EPS15L1: variants seen among roughly 807,000 people sequenced by gnomAD.
EPS15L1 encodes epidermal growth factor receptor pathway substrate 15 like 1.
Under a neutral mutation model 117.1 loss-of-function variants are expected in EPS15L1, and 43 were observed. That is an observed-to-expected ratio of 0.37 (90% CI 0.29 to 0.47). The LOEUF is 0.47. Ranked by LOEUF, EPS15L1 falls within the 20% of genes least tolerant of loss-of-function variation. The probability of loss-of-function intolerance (pLI) is 0.99; values close to 1 mark genes in which losing one functional copy is unlikely to be tolerated. For synonymous variants in EPS15L1, 459 were observed against 470.5 expected, an observed-to-expected ratio of 0.98 and a Z score of 0.32; for missense variants, 981 against 1,164.0, an observed-to-expected ratio of 0.84 and a Z score of 2.29.
At chr19:16,417,876 C>T in intron 11 of EPS15L1, 72 bp downstream of exon 11, 1 of 1,551,742 alleles carries the variant, frequency 6.4e-7, no homozygotes, top group Non-Finnish European at 8.7e-7. Flanking sequence ...TCATGTGTGC[C>T]ACCAGTGCCA....
intron 4 of EPS15L1, 115 bp downstream of exon 4, chr19:16,440,747 G>A (rs1471408929): frequency 1.4e-5 from 12 of 873,160 alleles, no homozygotes; most frequent in Admixed American, 4.1e-5. Flanking sequence ...TTTGACAGCC[G>A]TGCTCATGCC....
chr19:16,425,100 T>C lies in EPS15L1; in HGVS notation c.775A>G (p.Ser259Gly). Residue 259 changes from serine (S) to glycine (G), a missense_variant, in exon 9 of 24, where the codon AGC becomes GGC. Ser to Gly is a moderately conservative substitution (Grantham distance 56, BLOSUM62 0). Around this residue, in one of 5 missense-constraint regions of EPS15L1, gnomAD observed 819 missense variants for 949.0 expected, o/e 0.86. Coordinates refer to ENST00000455140, the MANE Select transcript of EPS15L1 (RefSeq NM_001258374.3). The stretch of plus-strand genomic sequence containing the variant: ...CTCCGTACCTGTGTTTGCTTGAGGC[T>C]GTGCTTGGGGGACAGGCTCCCTGTG... ...NSTGSLSPKHSLKQTQPTVNW... is the reference protein window; with the variant it reads ...NSTGSLSPKHGLKQTQPTVNW... The C allele has an allele frequency of 6.2e-7, 1 of 1,614,172 alleles. No individual in the cohort carries two copies. The highest frequency in any genetic ancestry group is 8.5e-7 in the Non-Finnish European group (1 of 1,179,992).
intron 22 of EPS15L1, among the ~76,000 whole-genome samples, chr19:16,362,487 C>T (rs1442252871): frequency 6.9e-6 from 1 of 145,434 alleles, no homozygotes; most frequent in Non-Finnish European, 1.5e-5. Context: ...CTGCACACAG[C>T]TCTGCCATGC....
At chr19:16,442,751 A>G (rs1426494238) in intron 1 of EPS15L1, among the ~76,000 whole-genome samples, 1 of 152,284 alleles carries the variant, frequency 6.6e-6, no homozygotes, top group East Asian at 1.9e-4. Context: ...GCGCCCGGAG[A>G]GCGCTGGCCA....
intron 7 of EPS15L1, among the ~76,000 whole-genome samples, chr19:16,430,151 G>A (rs2092913626): frequency 6.6e-6 from 1 of 152,192 alleles, no homozygotes; most frequent in Admixed American, 6.5e-5. Flanking sequence ...CCTCACCCTG[G>A]AGGATGTGAC....
chr19:16,401,403 G>A (rs529971100), intron 16 of EPS15L1: 3 of 985,436 alleles, frequency 3.0e-6, no homozygotes, highest in East Asian at 2.3e-4. Flanking sequence ...CAGGGAGGAA[G>A]AGGAATCCAT....
In EPS15L1 at chr19:16,422,154, C is replaced by T. The variant is rs145781187; in HGVS notation, c.793-678G>A. On this transcript the variant is annotated intron_variant, in intron 9 of 23. Transcript: ENST00000455140. ...GCCCAGTGCAGCTCAAAGTTCACAG[C>T]CCTGGGGCTGGGTCACCCGCTGCAC... Among the ~76,000 whole-genome samples, 1,029 of 152,370 alleles carry T rather than the reference C, an allele frequency of 6.8e-3. 4 individuals are homozygous for T. The highest frequency in any genetic ancestry group is 0.011 in the Non-Finnish European group (717 of 68,034).
intron 19 of EPS15L1, among the ~76,000 whole-genome samples, chr19:16,387,002 G>A (rs747728060): frequency 1.3e-5 from 2 of 152,184 alleles, no homozygotes; most frequent in Non-Finnish European, 2.9e-5. Flanking sequence ...ACCTCTCACC[G>A]GAAAAGACAA....
chr19:16,452,001 C>T lies in EPS15L1; in HGVS notation c.34-9782G>A, dbSNP rs1274754623. 1.6e-4 allele frequency among the ~76,000 whole-genome samples: 24 copies of T among 149,026 alleles called. 1 individual carries two copies. In the East Asian group the frequency reaches 3.9e-3, roughly 24 times the overall value. ...AAAATACAAAAAAATTAGCTGGGTG[C>T]GGTGGCGTGCACCTGTAATCCCAGT... On this transcript the variant is annotated intron_variant, in intron 1 of 23. Coordinates refer to ENST00000455140, the MANE Select transcript of EPS15L1 (RefSeq NM_001258374.3).
At chr19:16,440,526 G>A (rs868735957) in intron 4 of EPS15L1, 4 of 174,154 alleles carry the variant, frequency 2.3e-5, no homozygotes, top group South Asian at 3.8e-4. Context: ...GCTGGCAAAA[G>A]ATACACAGGA....
At chr19:16,470,278 T>A (rs2093337094) in intron 1 of EPS15L1, among the ~76,000 whole-genome samples, 2 of 151,978 alleles carry the variant, frequency 1.3e-5, no homozygotes, top group South Asian at 4.2e-4. Flanking sequence ...TCCCAGCTAC[T>A]CAGGAGGCTG....
At chr19:16,418,251 C>T (rs958508091) in intron 10 of EPS15L1, 147 bp from the exon 11 acceptor site, 1 of 855,968 alleles carries the variant, frequency 1.2e-6, no homozygotes, top group Non-Finnish European at 1.8e-6. Context: ...CCCTACTTCA[C>T]ATCTCCTTCC....
intron 13 of EPS15L1, chr19:16,413,375 G>C (rs73931914): frequency 1.4e-6 from 1 of 692,170 alleles, no homozygotes; most frequent in African/African-American, 1.8e-5. Flanking sequence ...CCTCAGCCAG[G>C]GGCTGCACTG....
chr19:16,376,512 C>T (rs1459187461), intron 22 of EPS15L1, among the ~76,000 whole-genome samples: 2 of 152,200 alleles, frequency 1.3e-5, no homozygotes, highest in Admixed American at 1.3e-4. Flanking sequence ...GAAGTCCCCT[C>T]CTCAGAGCTG....
At position 16,425,205 on chromosome 19, in the gene EPS15L1, G is replaced by T; in HGVS notation, c.670C>A (p.Pro224Thr). 1 of 1,613,294 alleles carries T rather than the reference G, an allele frequency of 6.2e-7. No individual in the cohort carries two copies. The highest frequency in any genetic ancestry group is 1.1e-5 in the South Asian group (1 of 91,034). Residue 224 changes from proline (P) to threonine (T), a missense_variant, in exon 9 of 24, where the codon CCC becomes ACC. By Grantham distance (38) the Pro-to-Thr change is conservative (BLOSUM62 -1). Around this residue, in one of 5 missense-constraint regions of EPS15L1, gnomAD observed 819 missense variants for 949.0 expected, o/e 0.86. Transcript: ENST00000455140. ...GGTGGGGGGCTGGCAGGCAGGACGGGGACGGCGCCAGGGAACACAGTCTTC... is the reference window on the plus strand; with the variant it reads ...GGTGGGGGGCTGGCAGGCAGGACGGTGACGGCGCCAGGGAACACAGTCTTC... ...RKKTVFPGAV[P>T]VLPASPPPKD...
chr19:16,413,297 C>A, intron 13 of EPS15L1: 1 of 666,132 alleles, frequency 1.5e-6, no homozygotes, highest in Non-Finnish European at 2.7e-6. Context: ...CGCCCAGGGG[C>A]ACTGGCATTG....
At chr19:16,390,700 A>C (rs1409089942) in intron 19 of EPS15L1, among the ~76,000 whole-genome samples, 1 of 152,232 alleles carries the variant, frequency 6.6e-6, no homozygotes, top group Admixed American at 6.5e-5. Flanking sequence ...TATACCTAGG[A>C]GAAAAAGCCA....
At chr19:16,420,385 A>G (rs1411706238) in intron 10 of EPS15L1, among the ~76,000 whole-genome samples, 3 of 152,254 alleles carry the variant, frequency 2.0e-5, no homozygotes, top group African/African-American at 7.2e-5. Flanking sequence ...TGTTGGTTTC[A>G]GAGTCATAAA....
chr19:16,377,595 T>A (rs2092312312), intron 21 of EPS15L1, among the ~76,000 whole-genome samples: 1 of 152,204 alleles, frequency 6.6e-6, no homozygotes, highest in African/African-American at 2.4e-5. Flanking sequence ...TAGGGTCCCT[T>A]GGGCCTCCTG....
Sources: gnomAD v4.1 joint callset for allele counts (sites outside exome capture counted in the v4.1 genomes callset) on GRCh38, gnomAD v4.1.1 for gene constraint, gnomAD v4.1.1 regional missense constraint, MANE v1.5 for transcripts, NCBI Gene and HGNC (gene_info 2026-07-23, HGNC 2026-07-21) for gene names.